The following DCDC1 variants were observed in gnomAD, a reference collection of about 807,000 sequenced individuals.
The protein encoded by DCDC1 is doublecortin domain-containing protein 1.
In DCDC1, 200 loss-of-function variants were observed where a neutral mutation model predicts 178.3. The observed-to-expected ratio is 1.12, with a 90% CI of 1.00 to 1.26. DCDC1 has a LOEUF of 1.26. Among genes scored for constraint, DCDC1 ranks in the 50% most tolerant of loss-of-function variants. The pLI, the probability that DCDC1 is intolerant of heterozygous loss-of-function variation, is 0.00. For missense variants in DCDC1, 1,983 were observed against 1,749.2 expected, an observed-to-expected ratio of 1.13 and a Z score of -2.38; for synonymous variants, 690 against 604.8, an observed-to-expected ratio of 1.14 and a Z score of -2.07.
Position 31,106,830 on chromosome 11 carries a change from T to G in DCDC1, c.1718A>C (p.Gln573Pro), listed in dbSNP as rs774604232. 6 of 766,146 alleles carry G rather than the reference T, an allele frequency of 7.8e-6. No homozygotes were observed. The African/African-American group carries it at 1.0e-4, about 13-fold the overall frequency. The allele number at this position is 766,146 out of a possible 1,614,324, so 47.5% of individuals were successfully genotyped here. The change falls in exon 13 of 39, where the codon CAA (glutamine) becomes CCA (proline). Residue 573 changes from glutamine (Q) to proline (P), a missense_variant. Transcript: ENST00000684477. ...IKNPLSLKNE[Q>P]KIWVSYGRAY... ...TCTACCATAAGAGACCCAAATTTTT[T>G]GCTCATTCTTCAGCGAAAGTGGATT...
intron 9 of DCDC1, among the ~76,000 whole-genome samples, chr11:31,207,792 C>G (rs928837703): frequency 1.3e-5 from 2 of 152,164 alleles, no homozygotes; most frequent in African/African-American, 4.8e-5. Context: ...TTCCCTTCAA[C>G]TTACTCAAAT....
chr11:31,343,462 A>G (rs1950654099), intron 1 of DCDC1, among the ~76,000 whole-genome samples: 1 of 152,034 alleles, frequency 6.6e-6, no homozygotes, highest in Non-Finnish European at 1.5e-5. Context: ...GTGCGCCACC[A>G]TGCCTGGCTA....
At chr11:31,339,034 C>A (rs1158819343) in intron 1 of DCDC1, among the ~76,000 whole-genome samples, 3 of 152,112 alleles carry the variant, frequency 2.0e-5, no homozygotes, top group South Asian at 4.1e-4. Flanking sequence ...AGTCTCTAGA[C>A]CTTTGCTCAC....
At chr11:31,253,601 T>A (rs1944217561) in intron 8 of DCDC1, among the ~76,000 whole-genome samples, 1 of 152,106 alleles carries the variant, frequency 6.6e-6, no homozygotes, top group Non-Finnish European at 1.5e-5. Flanking sequence ...GTAAACCAAA[T>A]AGATAAAGTA....
intron 36 of DCDC1, among the ~76,000 whole-genome samples, chr11:30,891,790 C>A (rs1435405788): frequency 1.3e-5 from 2 of 152,114 alleles, no homozygotes; most frequent in Non-Finnish European, 2.9e-5. Context: ...TGAAGTACAA[C>A]AAATTGGTTG....
intron 3 of DCDC1, among the ~76,000 whole-genome samples, chr11:31,312,103 A>G (rs1948804552): frequency 6.6e-6 from 1 of 152,096 alleles, no homozygotes; most frequent in Non-Finnish European, 1.5e-5. Flanking sequence ...GTAGAGCCCT[A>G]AGGAGTCTTC....
At chr11:30,979,184 G>C (rs144006710) in intron 20 of DCDC1, among the ~76,000 whole-genome samples, 1 of 151,936 alleles carries the variant, frequency 6.6e-6, no homozygotes, top group Non-Finnish European at 1.5e-5. Flanking sequence ...AACTAAAATA[G>C]CAAGTACATC....
intron 8 of DCDC1, chr11:31,263,003 G>T (rs906817653): frequency 1.0e-5 from 16 of 1,597,516 alleles, no homozygotes; most frequent in Non-Finnish European, 1.4e-5. Context: ...TCTGGGATAC[G>T]TGAAGCACGA....
At chr11:31,025,391 TAA>T (rs934398475) in intron 20 of DCDC1, among the ~76,000 whole-genome samples, 5 of 151,816 alleles carry the variant, frequency 3.3e-5, no homozygotes, top group African/African-American at 1.2e-4. Context: ...TTTCAGAAGT[TAA>T]AGTCTACACA....
chr11:31,076,903 T>C (rs1267615982), intron 18 of DCDC1, among the ~76,000 whole-genome samples: 3 of 152,072 alleles, frequency 2.0e-5, no homozygotes, highest in East Asian at 1.9e-4. Context: ...CCCTCTCCCA[T>C]ATTGGGTATT....
chr11:30,947,535 T>A (rs541042868), intron 21 of DCDC1, among the ~76,000 whole-genome samples: 1 of 152,270 alleles, frequency 6.6e-6, no homozygotes, highest in African/African-American at 2.4e-5. Flanking sequence ...ACTAGACCCC[T>A]ATTTCTCAAC....
Position 30,957,802 on chromosome 11 carries a change from C to T in DCDC1, c.2592-5234G>A, listed in dbSNP as rs183137100. Among the ~76,000 whole-genome samples the T allele has an allele frequency of 9.2e-5, 14 of 152,242 alleles. No individual in the cohort carries two copies. The East Asian group carries it at 1.4e-3, about 15-fold the overall frequency. ...ATGACATGTGGTAAGACAGATGCAA[C>T]GACATCCTATATTGTACAATGGAAG... On this transcript the variant is annotated intron_variant, in intron 20 of 38. Coordinates refer to ENST00000684477, the MANE Select transcript of DCDC1 (RefSeq NM_001387274.1).
At chr11:30,912,772 C>T (rs1206649823) in intron 27 of DCDC1, among the ~76,000 whole-genome samples, 1 of 152,132 alleles carries the variant, frequency 6.6e-6, no homozygotes, top group Non-Finnish European at 1.5e-5. Flanking sequence ...CTTTCTTGGG[C>T]AATCTCCTTC....
intron 20 of DCDC1, among the ~76,000 whole-genome samples, chr11:31,007,808 G>A (rs868445123): frequency 4.1e-4 from 63 of 152,018 alleles, no homozygotes; most frequent in African/African-American, 8.2e-4. Flanking sequence ...GATTACAGGC[G>A]TCTGCCACCA....
At chr11:31,169,216 T>C (rs1591292803) in intron 9 of DCDC1, among the ~76,000 whole-genome samples, 2 of 152,086 alleles carry the variant, frequency 1.3e-5, no homozygotes, top group East Asian at 3.9e-4. Context: ...GGGAACAACA[T>C]ACACTGGGGC....
chr11:31,212,164 T>C (rs1190565651), intron 9 of DCDC1, among the ~76,000 whole-genome samples: 4 of 151,776 alleles, frequency 2.6e-5, no homozygotes, highest in Admixed American at 6.6e-5. Flanking sequence ...TTAAATTTTA[T>C]AGTAGTAATA....
intron 18 of DCDC1, among the ~76,000 whole-genome samples, chr11:31,068,345 T>G (rs1468503139): frequency 6.6e-6 from 1 of 152,188 alleles, no homozygotes; most frequent in Admixed American, 6.5e-5. Context: ...ACCATGAGCA[T>G]TAAATGTGTA....
intron 9 of DCDC1, among the ~76,000 whole-genome samples, chr11:31,138,517 C>G (rs1963434341): frequency 6.6e-6 from 1 of 152,174 alleles, no homozygotes; most frequent in South Asian, 2.1e-4. Context: ...GCTCAACAGA[C>G]TGACATTAAT....
intron 7 of DCDC1, among the ~76,000 whole-genome samples, chr11:31,279,488 A>C (rs1453381976): frequency 6.6e-6 from 1 of 152,214 alleles, no homozygotes; most frequent in Admixed American, 6.5e-5. Context: ...ACTTGAAGCC[A>C]ACTCAAATGC....
Sources: allele counts gnomAD v4.1 joint callset (sites outside exome capture counted in the v4.1 genomes callset), GRCh38; gene constraint gnomAD v4.1.1; transcripts MANE v1.5; gene names NCBI Gene and HGNC (gene_info 2026-07-23, HGNC 2026-07-21).